Variants in MYO15A observed in about 807,000 individuals in gnomAD.
The protein encoded by MYO15A is unconventional myosin-XV.
In MYO15A, 308 loss-of-function variants were observed where a neutral mutation model predicts 394.6. The observed-to-expected ratio is 0.78, with a 90% CI of 0.71 to 0.86. The LOEUF (loss-of-function observed/expected upper bound fraction) is 0.86. Among genes scored for constraint, MYO15A ranks in the 40% least tolerant of loss-of-function variants. The pLI is 0.00. For synonymous variants in MYO15A, 1,957 were observed against 2,003.8 expected (o/e 0.98, Z 0.62); for missense variants, 4,606 against 4,799.1 (o/e 0.96, Z 1.19).
rs960665695 is a variant in MYO15A at position 18,143,964 on chromosome 17, C to T, written c.6141C>T (p.Asn2047=). The T allele has an allele frequency of 6.2e-7, 1 of 1,613,276 alleles. No homozygotes were observed. Among genetic ancestry groups the T allele is most frequent in the African/African-American group, 1.3e-5 (1 of 74,946 alleles). ...TCACACTGCCCCTGGACATCAACAA[C>T]TATCCTATGGCCAAGTTTGTCCAGT... The part of the protein sequence containing the change: ...PRVTLPLDIN[N]YPMAKFVQCH... Residue 2047 remains asparagine (N), a synonymous_variant, in exon 28 of 66, where the codon AAC becomes AAT. Coordinates refer to ENST00000647165, the MANE Select transcript of MYO15A (RefSeq NM_016239.4).
Position 18,149,493 on chromosome 17 carries a change from C to G in MYO15A, c.7125C>G (p.Asp2375Glu). 1.2e-6 allele frequency: 2 copies of G among 1,614,172 alleles called. No individual in the cohort carries two copies. Among genetic ancestry groups the G allele is most frequent in the Non-Finnish European group, 1.7e-6 (2 of 1,179,998 alleles). ...QRGTATHQES[D>E]SLGEPAVPHK... Reference sequence around the variant, plus strand: ...TTGTGCCTTCCCCTCCAGAGTCAGACAGTCTTGGAGAGCCTGCTGTGCCCC... The same window carrying G: ...TTGTGCCTTCCCCTCCAGAGTCAGAGAGTCTTGGAGAGCCTGCTGTGCCCC... The change falls in exon 35 of 66, where the codon GAC becomes GAG. Residue 2375 changes from aspartate (D) to glutamate (E), a missense_variant. Asp to Glu is a conservative substitution (Grantham distance 45, BLOSUM62 2). Around this residue, in one of 2 missense-constraint regions of MYO15A, gnomAD observed 2,776 missense variants for 3,109.3 expected, o/e 0.89. Coordinates refer to ENST00000647165, the MANE Select transcript of MYO15A (RefSeq NM_016239.4).
At position 18,119,315 on chromosome 17, in the gene MYO15A, T is replaced by A; in HGVS notation, c.515T>A (p.Leu172His). 1 of 1,610,270 alleles carries A rather than the reference T, an allele frequency of 6.2e-7. No individual in the cohort carries two copies. The highest frequency in any genetic ancestry group is 8.5e-7 in the Non-Finnish European group (1 of 1,179,424). The change falls in exon 2 of 66, where the codon CTC (leucine) becomes CAC (histidine). Residue 172 changes from leucine to histidine, a missense_variant. Transcript: ENST00000647165. ...RSSSRMGSRK[L>H]PFPSGAEILR... is the part of the protein sequence containing the mutation. ...AGCTCCCGCATGGGCTCCCGCAAAC[T>A]CCCCTTCCCGTCGGGTGCCGAGATC...
chr17:18,124,645 A>G, intron 3 of MYO15A, 80 bp downstream of exon 3: 2 of 1,369,156 alleles, frequency 1.5e-6, no homozygotes, highest in Admixed American at 3.7e-5. Context: ...CTCCTCCTGC[A>G]GTTGCCTCTC....
At chr17:18,171,857 T>C in intron 63 of MYO15A, 86 bp downstream of exon 63, 1 of 1,522,028 alleles carries the variant, frequency 6.6e-7, no homozygotes, top group Non-Finnish European at 8.8e-7. Flanking sequence ...GGCACCTCTT[T>C]CTTTGCACAA....
chr17:18,121,956 A>G lies in MYO15A; in HGVS notation c.3156A>G (p.Pro1052=). The G allele has an allele frequency of 6.2e-7, 1 of 1,611,948 alleles. No individual in the cohort carries two copies. ...KDITPPKDVL[P]EQKTLRPSLS... ...TCACTCCCCCCAAGGATGTCCTCCC[A>G]GAGCAAAAGACATTAAGGCCCAGCC... Residue 1052 remains proline (P), a synonymous_variant, in exon 2 of 66, where the codon CCA becomes CCG. Transcript: ENST00000647165. The surrounding 1 kb of genome is among the most constrained non-coding windows in gnomAD (Gnocchi z 5.3).
rs770882129 is a variant in MYO15A at position 18,172,233 on chromosome 17, C to T, written c.10293C>T (p.Ala3431=). The T allele has an allele frequency of 5.0e-6, 8 of 1,614,204 alleles. No homozygotes were observed. The highest frequency in any genetic ancestry group is 3.3e-5 in the South Asian group (3 of 91,090). ...IQSCSNIAVP[A]PCILAINHNG... ...GCTGCAGCAACATTGCTGTGCCAGC[C>T]CCTTGCATCCTTGCCATCAACCACA... The change falls in exon 64 of 66, where the codon GCC becomes GCT. Residue 3431 remains alanine (A), a synonymous_variant. Coordinates refer to ENST00000647165, the MANE Select transcript of MYO15A (RefSeq NM_016239.4).
chr17:18,139,838 C>A (rs138603605), intron 19 of MYO15A, among the ~76,000 whole-genome samples: 46 of 152,372 alleles, frequency 3.0e-4, no homozygotes, highest in African/African-American at 1.1e-3. Flanking sequence ...TGGCTCCCCA[C>A]AGCCCCAGTG....
intron 28 of MYO15A, 101 bp downstream of exon 28, chr17:18,144,101 T>G: frequency 1.3e-6 from 2 of 1,552,820 alleles, no homozygotes; most frequent in Non-Finnish European, 1.8e-6. Flanking sequence ...CTGTGCCCTG[T>G]GGTGTTGGGT....
Position 18,124,520 on chromosome 17 carries a change from G to A in MYO15A, c.3647G>A (p.Arg1216His), listed in dbSNP as rs202148411. ...SIRNLPSMRF[R>H]EQHGEDGVED... is the part of the protein sequence containing the mutation. ...CGCAACCTGCCATCCATGCGGTTCC[G>A]TGAGCAGCACGGGGAGGATGGTGTG... is the stretch of plus-strand genomic sequence containing the variant. Residue 1216 changes from arginine (R) to histidine (H), a missense_variant, in exon 3 of 66, where the codon CGT (arginine) becomes CAT (histidine). Coordinates refer to ENST00000647165, the MANE Select transcript of MYO15A (RefSeq NM_016239.4). 1,102 of 1,613,112 alleles carry A rather than the reference G, an allele frequency of 6.8e-4. 8 individuals carry two copies. The highest frequency in any genetic ancestry group is 5.7e-3 in the South Asian group (522 of 91,078).
At chr17:18,136,713 C>A in intron 15 of MYO15A, 27 bp downstream of exon 15, 1 of 1,572,116 alleles carries the variant, frequency 6.4e-7, no homozygotes. Flanking sequence ...GGCTGAGGGG[C>A]GGGGGACATA....
At chr17:18,155,487 C>G in intron 47 of MYO15A, 55 bp downstream of exon 47, 3 of 1,491,118 alleles carry the variant, frequency 2.0e-6, no homozygotes, top group Non-Finnish European at 2.8e-6. Flanking sequence ...AGACTGGCAT[C>G]GGCATTTCCT....
At chr17:18,111,364 AAAC>A (rs1467320608) in intron 1 of MYO15A, among the ~76,000 whole-genome samples, 13 of 143,938 alleles carry the variant, frequency 9.0e-5, no homozygotes, top group African/African-American at 2.8e-4. Flanking sequence ...AAAAAAAAAA[AAAC>A]AAAGTCTGTG....
At position 18,121,353 on chromosome 17, in the gene MYO15A, G is replaced by A. The variant is rs1172681902; in HGVS notation, c.2553G>A (p.Leu851=). ...PGSPRPPSPP[L]GLCHSPRRSS... ...CACCCAGGCCGCCCTCGCCGCCCCT[G>A]GGGCTCTGCCACAGCCCGCGGCGCA... The change falls in exon 2 of 66, where the codon CTG becomes CTA. Residue 851 remains leucine, a synonymous_variant. Coordinates refer to ENST00000647165, the MANE Select transcript of MYO15A (RefSeq NM_016239.4). This position sits in a 1 kb window ranked among gnomAD's most constrained non-coding sequence, Gnocchi z 5.3. 6.9e-7 allele frequency: 1 copy of A among 1,457,542 alleles called. No individual in the cohort carries two copies. Among genetic ancestry groups the A allele is most frequent in the South Asian group, 1.3e-5 (1 of 74,314 alleles). The allele number at this position is 1,457,542 out of a possible 1,614,324, so 90.3% of individuals were successfully genotyped here.
intron 4 of MYO15A, 131 bp from the exon 5 acceptor site, chr17:18,126,215 TG>T: frequency 1.3e-6 from 1 of 767,178 alleles, no homozygotes; most frequent in Non-Finnish European, 2.3e-6. Context: ...GGGCTCTAGA[TG>T]GGAATCCCGA....
At position 18,149,550 on chromosome 17, in the gene MYO15A, CTT is replaced by C. The variant is rs1415858976; in HGVS notation, c.7184_7185del (p.Phe2395Ter). ...KGLDCYLDSL[F>X]DPVLSYGDAD... ...GGCTGGACTGCTACCTGGATAGCCT[CTT>C]TGACCCTGTGCTGTCCTACGGGGAT... On this transcript the variant is annotated frameshift_variant, in exon 35 of 66. Transcript: ENST00000647165. LOFTEE classifies it high-confidence loss of function. The C allele has an allele frequency of 1.3e-5, 21 of 1,614,194 alleles. No homozygotes were observed. Among genetic ancestry groups the C allele is most frequent in the Non-Finnish European group, 1.7e-5 (20 of 1,180,030 alleles).
At chr17:18,130,901 T>C (rs2046149293) in intron 8 of MYO15A, 91 bp downstream of exon 8, 2 of 1,362,324 alleles carry the variant, frequency 1.5e-6, no homozygotes, top group South Asian at 2.4e-5. Flanking sequence ...TGGATGTGCC[T>C]GCTCCTGTGT....
chr17:18,127,959 C>T (rs2046084077), intron 7 of MYO15A, among the ~76,000 whole-genome samples: 3 of 150,584 alleles, frequency 2.0e-5, no homozygotes, highest in Admixed American at 1.3e-4. Context: ...GGGTTGCAAT[C>T]GTAAGTGTGG....
At chr17:18,173,962 C>A (rs755900404) in intron 65 of MYO15A, 41 bp downstream of exon 65, 1 of 1,600,070 alleles carries the variant, frequency 6.2e-7, no homozygotes, top group South Asian at 1.1e-5. Context: ...TCACTGGGCC[C>A]TTCTCTGGGC....
chr17:18,158,423 A>C (rs1335127489), intron 51 of MYO15A, 100 bp from the exon 52 acceptor site: 1 of 1,057,010 alleles, frequency 9.5e-7, no homozygotes, highest in African/African-American at 1.6e-5. Context: ...CGGCTTGAGA[A>C]TCTGGGTCCA....
Sources: gnomAD v4.1 joint callset for allele counts (sites outside exome capture counted in the v4.1 genomes callset) on GRCh38, gnomAD v4.1.1 for gene constraint, gnomAD v4.1.1 regional missense constraint, Gnocchi (gnomAD v3.1) non-coding constraint, MANE v1.5 for transcripts, NCBI Gene and HGNC (gene_info 2026-07-23, HGNC 2026-07-21) for gene names.